The following IDI2 variants were observed in gnomAD, a reference collection of about 807,000 sequenced individuals.
The protein encoded by IDI2 is isopentenyl-diphosphate delta isomerase 2.
A neutral mutation model predicts 14.8 loss-of-function variants in IDI2; 18 were observed. The ratio of observed to expected loss-of-function variants is 1.22; its 90% CI spans 0.84 to 1.80. The LOEUF (loss-of-function observed/expected upper bound fraction) is 1.80. Ranked by LOEUF, IDI2 falls within the 40% of genes most tolerant of loss-of-function variation. IDI2 has a pLI of 0.00. For synonymous variants in IDI2, 133 were observed against 109.6 expected (o/e 1.21, Z -1.33); for missense variants, 316 against 283.2 (o/e 1.12, Z -0.83).
At chr10:1,023,190 A>T (rs1469336945) in intron 2 of IDI2, among the ~76,000 whole-genome samples, 2 of 152,128 alleles carry the variant, frequency 1.3e-5, no homozygotes, top group African/African-American at 4.8e-5. Context: ...GAAGAATGAA[A>T]TCGGGCCGGG....
chr10:1,024,262 C>A (rs979053803), intron 2 of IDI2, among the ~76,000 whole-genome samples: 1 of 152,168 alleles, frequency 6.6e-6, no homozygotes, highest in Admixed American at 6.6e-5. Flanking sequence ...CTGGGAGGGA[C>A]GGGGTTGAGG....
intron 3 of IDI2, among the ~76,000 whole-genome samples, chr10:1,021,683 T>C (rs916007460): frequency 1.1e-4 from 16 of 152,204 alleles, no homozygotes; most frequent in Admixed American, 5.2e-4. Context: ...CTCTTAACTT[T>C]GCAGCTCCTG....
At position 1,019,778 on chromosome 10, in the gene IDI2, G is replaced by T; in HGVS notation, c.423C>A (p.Asp141Glu). ...MTIYHHKAKS[D>E]RIWGEHEICY... ...AAATTTCATGCTCTCCCCAAATTCT[G>T]TCTGATTTTGCCTTGTGGTGATAGA... Residue 141 changes from aspartate to glutamate, a missense_variant, in exon 5 of 5, where the codon GAC (aspartate) becomes GAA (glutamate). Physicochemically the swap from Asp to Glu is conservative, Grantham distance 45. Transcript: ENST00000277517. The T allele has an allele frequency of 6.2e-7, 1 of 1,613,986 alleles. No homozygotes were observed. The highest frequency in any genetic ancestry group is 1.3e-5 in the African/African-American group (1 of 75,002).
At chr10:1,024,802 G>A (rs1832183881) in intron 1 of IDI2, 58 bp from the exon 2 acceptor site, 4 of 1,563,684 alleles carry the variant, frequency 2.6e-6, no homozygotes, top group African/African-American at 2.7e-5. Context: ...TCTCGTTTTT[G>A]CTATGTGTTA....
At chr10:1,022,513 A>T in intron 3 of IDI2, 170 bp downstream of exon 3, 1 of 540,718 alleles carries the variant, frequency 1.8e-6, no homozygotes. Context: ...CAGCCTACTG[A>T]AGAGCTATCA....
intron 4 of IDI2, among the ~76,000 whole-genome samples, 161 bp downstream of exon 4, chr10:1,020,582 ACATTCACAGCCCCATTCACAGCCC>A (rs571362148): frequency 1.3e-5 from 2 of 152,000 alleles, no homozygotes; most frequent in Non-Finnish European, 2.9e-5. Context: ...ATCCACAGCT[ACATTCACAGCCCCATTCACAGCCC>A]CATTCACAGC....
Position 1,019,403 on chromosome 10 carries a change from G to T in IDI2, c.*114C>A, listed in dbSNP as rs576714741. ...GTTGAAATAGTGATTTATACATGAT[G>T]GGCAATCAAGTGCCCCTTTTGCCCT... On this transcript the variant is annotated 3_prime_UTR_variant, in exon 5 of 5. Transcript: ENST00000277517. The T allele has an allele frequency of 7.3e-6, 5 of 689,342 alleles. No homozygotes were observed. The highest frequency in any genetic ancestry group is 5.9e-5 in the Admixed American group (2 of 33,850). The allele number at this position is 689,342 out of a possible 1,614,324, so 42.7% of individuals were successfully genotyped here. A position where few individuals can be genotyped will look rare whatever the true frequency, so the allele number is the denominator to read the frequency against.
intron 4 of IDI2, 87 bp downstream of exon 4, chr10:1,020,680 G>A (rs1832076005): frequency 7.3e-7 from 1 of 1,370,588 alleles, no homozygotes; most frequent in African/African-American, 1.4e-5. Context: ...GGTCAATGGT[G>A]TAGATCCAGC....
At position 1,022,736 on chromosome 10, in the gene IDI2, G is replaced by A. The variant is rs1589037432; in HGVS notation, c.182C>T (p.Thr61Ile). 1 of 1,614,024 alleles carries A rather than the reference G, an allele frequency of 6.2e-7. No homozygotes were observed. The highest frequency in any genetic ancestry group is 1.7e-5 in the Admixed American group (1 of 60,010). ...CTGCTGTATCAGGATTCGATTCTTG[G>A]TGTTAAACAAGACAACGCTGAAGGC... ...HRAFSVVLFNTKNRILIQQRS... is the reference protein window; with the variant it reads ...HRAFSVVLFNIKNRILIQQRS... Residue 61 changes from threonine to isoleucine, a missense_variant, in exon 3 of 5, where the codon ACC (threonine) becomes ATC (isoleucine). Physicochemically the swap from Thr to Ile is moderately conservative, Grantham distance 89. Coordinates refer to ENST00000277517, the MANE Select transcript of IDI2 (RefSeq NM_033261.3).
In IDI2 at chr10:1,020,835, C is replaced by G. The variant is rs151186586; in HGVS notation, c.298G>C (p.Asp100His). The G allele has an allele frequency of 6.2e-7, 1 of 1,614,020 alleles. No homozygotes were observed. Among genetic ancestry groups the G allele is most frequent in the East Asian group, 2.2e-5 (1 of 44,872 alleles). Residue 100 changes from aspartate (D) to histidine (H), a missense_variant, in exon 4 of 5, where the codon GAT becomes CAT. Transcript: ENST00000277517. ...LYNPAELEEKDAIGVRRAAQR... is the reference protein window; with the variant it reads ...LYNPAELEEKHAIGVRRAAQR... ...GCTGCCCTCCTCACTCCGATGGCATCCTTTTCTTCCAGTTCTGCTGGGTTG... is the reference window on the plus strand; with the variant it reads ...GCTGCCCTCCTCACTCCGATGGCATGCTTTTCTTCCAGTTCTGCTGGGTTG...
chr10:1,020,560 TCA>T (rs1832074028), intron 4 of IDI2, among the ~76,000 whole-genome samples: 2 of 152,156 alleles, frequency 1.3e-5, no homozygotes, highest in South Asian at 4.1e-4. Flanking sequence ...ACATAGGGAC[TCA>T]CACTGCCCCA....
Position 1,019,348 on chromosome 10 carries a change from A to G in IDI2, c.*169T>C, listed in dbSNP as rs997958281. The stretch of plus-strand genomic sequence containing the variant: ...GAAATATGGAAATAAGGAAAAGGGA[A>G]AATGAAGATATGACAAAGTTGATGA... On this transcript the variant is annotated 3_prime_UTR_variant, in exon 5 of 5. Transcript: ENST00000277517. 1.8e-6 allele frequency: 1 copy of G among 565,182 alleles called. No individual in the cohort carries two copies. The highest frequency in any genetic ancestry group is 2.5e-5 in the South Asian group (1 of 39,842). 35.0% of individuals were successfully genotyped at this position (565,182 alleles called of 1,614,324 possible).
chr10:1,020,710 T>TCATTGAAA, intron 4 of IDI2, 57 bp downstream of exon 4: 1 of 1,423,990 alleles, frequency 7.0e-7, no homozygotes, highest in Non-Finnish European at 9.3e-7. Context: ...GTTCACCGTC[T>TCATTGAAA]GCCCGCTGCC....
At chr10:1,024,791 A>G in intron 1 of IDI2, 47 bp from the exon 2 acceptor site, 4 of 1,595,932 alleles carry the variant, frequency 2.5e-6, no homozygotes, top group African/African-American at 1.3e-5. Context: ...AGATATTGCC[A>G]TCTCGTTTTT....
chr10:1,025,010 CCACACACACACA>C (rs72086728), intron 1 of IDI2, among the ~76,000 whole-genome samples: 13 of 145,148 alleles, frequency 9.0e-5, no homozygotes, highest in South Asian at 2.3e-4. Flanking sequence ...CCCCGCCCCA[CCACACACACACA>C]CACACACACA....
At position 1,019,287 on chromosome 10, in the gene IDI2, A is replaced by T; in HGVS notation, c.*230T>A. On this transcript the variant is annotated 3_prime_UTR_variant, in exon 5 of 5. Transcript: ENST00000277517. ...TATAAAATGGAAATTGGGACAAAGGAAATGTTAAATTTCCTCCCTGCAACC... is the reference window on the plus strand; with the variant it reads ...TATAAAATGGAAATTGGGACAAAGGTAATGTTAAATTTCCTCCCTGCAACC... 2.0e-6 allele frequency: 1 copy of T among 496,576 alleles called. No individual in the cohort carries two copies. The highest frequency in any genetic ancestry group is 3.6e-6 in the Non-Finnish European group (1 of 278,880). The allele number at this position is 496,576 out of a possible 1,614,324, so 30.8% of individuals were successfully genotyped here. A position where few individuals can be genotyped will look rare whatever the true frequency, so the allele number is the denominator to read the frequency against.
chr10:1,025,012 A>G (rs72760914), intron 1 of IDI2, among the ~76,000 whole-genome samples: 5 of 25,860 alleles, frequency 1.9e-4, no homozygotes, highest in African/African-American at 6.5e-4. Context: ...CCGCCCCACC[A>G]CACACACACA....
At chr10:1,020,432 G>A (rs868842188) in intron 4 of IDI2, among the ~76,000 whole-genome samples, 13 of 151,968 alleles carry the variant, frequency 8.6e-5, no homozygotes, top group Middle Eastern at 3.4e-3. Flanking sequence ...CTTGTGATCC[G>A]CCCGCCTCGG....
chr10:1,019,977 T>C, intron 4 of IDI2, 143 bp from the exon 5 acceptor site: 2 of 680,312 alleles, frequency 2.9e-6, no homozygotes, highest in Admixed American at 2.9e-5. Flanking sequence ...ACCTCGATTT[T>C]AGCTAAGTAA....
Sources: allele counts gnomAD v4.1 joint callset (sites outside exome capture counted in the v4.1 genomes callset), GRCh38; gene constraint gnomAD v4.1.1; transcripts MANE v1.5; gene names NCBI Gene and HGNC (gene_info 2026-07-23, HGNC 2026-07-21).